The following NEURL1 variants were observed in gnomAD, a reference collection of about 807,000 sequenced individuals.
The protein encoded by NEURL1 is neuralized E3 ubiquitin protein ligase 1, also known as E3 ubiquitin-protein ligase NEURL1.
A neutral mutation model predicts 41.2 loss-of-function variants in NEURL1; 26 were observed. The ratio of observed to expected loss-of-function variants is 0.63; its 90% CI spans 0.46 to 0.87. The LOEUF (loss-of-function observed/expected upper bound fraction) is 0.87. NEURL1 is among the 40% of genes least tolerant of loss of function. The pLI, the probability that NEURL1 is intolerant of heterozygous loss-of-function variation, is 0.00. For synonymous variants in NEURL1, 400 were observed against 402.3 expected (o/e 0.99, Z 0.07); for missense variants, 761 against 871.1 (o/e 0.87, Z 1.59).
intron 1 of NEURL1, among the ~76,000 whole-genome samples, chr10:103,544,386 TG>T (rs1464058369): frequency 6.6e-6 from 1 of 151,994 alleles, no homozygotes; most frequent in Non-Finnish European, 1.5e-5. Context: ...CAGACCCTGG[TG>T]GAAGGGGGAA....
intron 1 of NEURL1, among the ~76,000 whole-genome samples, chr10:103,538,611 C>T (rs1023432426): frequency 2.0e-5 from 3 of 151,428 alleles, no homozygotes; most frequent in African/African-American, 7.3e-5. Context: ...CTGCTACCCA[C>T]TGATGAGCAT....
At chr10:103,578,124 A>T (rs2035704168) in intron 3 of NEURL1, among the ~76,000 whole-genome samples, 1 of 151,932 alleles carries the variant, frequency 6.6e-6, no homozygotes, top group Non-Finnish European at 1.5e-5. Flanking sequence ...TGACTTGGCC[A>T]CTCATTAGCT....
At chr10:103,547,308 T>C (rs1592212607) in intron 1 of NEURL1, among the ~76,000 whole-genome samples, 1 of 152,240 alleles carries the variant, frequency 6.6e-6, no homozygotes, top group African/African-American at 2.4e-5. Context: ...GGGATCCAGC[T>C]GCCAGTGGCC....
In NEURL1 at chr10:103,570,958, C is replaced by T; in HGVS notation, c.172C>T (p.Leu58Phe). The change falls in exon 2 of 6, where the codon CTC becomes TTC. Residue 58 changes from leucine (L) to phenylalanine (F), a missense_variant. By Grantham distance (22) the Leu-to-Phe change is conservative (BLOSUM62 0). Coordinates refer to ENST00000369780, the MANE Select transcript of NEURL1 (RefSeq NM_004210.5). ...HCPAVLPSGG[L>F]PATPLLFHPH... The stretch of plus-strand genomic sequence containing the variant: ...TCCGGCAGTGCTGCCCAGCGGGGGG[C>T]TCCCAGCCACGCCGCTGCTCTTCCA... The T allele has an allele frequency of 6.2e-7, 1 of 1,613,992 alleles. No individual in the cohort carries two copies. Among genetic ancestry groups the T allele is most frequent in the African/African-American group, 1.3e-5 (1 of 75,026 alleles).
intron 1 of NEURL1, among the ~76,000 whole-genome samples, chr10:103,554,204 C>G (rs1419318911): frequency 6.6e-6 from 1 of 152,230 alleles, no homozygotes; most frequent in African/African-American, 2.4e-5. Flanking sequence ...CCCTCTGTTC[C>G]CACCTTTCCC....
At chr10:103,500,870 G>A (rs1306363090) in intron 1 of NEURL1, among the ~76,000 whole-genome samples, 2 of 152,184 alleles carry the variant, frequency 1.3e-5, no homozygotes, top group Non-Finnish European at 2.9e-5. Context: ...GTGTTTAACA[G>A]GGTCCTCAAG....
At chr10:103,573,108 T>G (rs1197170931) in intron 3 of NEURL1, among the ~76,000 whole-genome samples, 1 of 152,154 alleles carries the variant, frequency 6.6e-6, no homozygotes, top group Non-Finnish European at 1.5e-5. Context: ...GTCAGAAGCC[T>G]GTTTGTTGAG....
chr10:103,569,836 C>T (rs1376960390), intron 1 of NEURL1, among the ~76,000 whole-genome samples: 1 of 152,204 alleles, frequency 6.6e-6, no homozygotes, highest in East Asian at 1.9e-4. Context: ...GGCTCATGCA[C>T]AGGGTGTCTG....
intron 1 of NEURL1, among the ~76,000 whole-genome samples, chr10:103,523,101 A>C (rs569462855): frequency 2.1e-4 from 32 of 152,196 alleles, no homozygotes; most frequent in Admixed American, 3.9e-4. Flanking sequence ...ATGTGTATCA[A>C]CTCAAACACT....
chr10:103,536,840 TTATTTTGCACCATCC>T (rs2034703914), intron 1 of NEURL1, among the ~76,000 whole-genome samples: 1 of 152,192 alleles, frequency 6.6e-6, no homozygotes, highest in African/African-American at 2.4e-5. Flanking sequence ...AGTACATGTG[TTATTTTGCACCATCC>T]ATCTCCAGAA....
rs760794966 is a variant in NEURL1, at chr10:103,585,101, C to T, written c.1215C>T (p.Ala405=). The T allele has an allele frequency of 1.3e-5, 20 of 1,589,724 alleles. No individual in the cohort carries two copies. Among genetic ancestry groups the T allele is most frequent in the African/African-American group, 4.0e-5 (3 of 74,736 alleles). ...SGDILGLVVN[A]DGELHLSHNG... The stretch of plus-strand genomic sequence containing the variant: ...ACATCCTGGGCCTGGTGGTCAACGC[C>T]GACGGCGAGCTGCACCTCAGCCACA... Residue 405 remains alanine (A), a synonymous_variant, in exon 4 of 6, where the codon GCC becomes GCT. Coordinates refer to ENST00000369780, the MANE Select transcript of NEURL1 (RefSeq NM_004210.5).
Position 103,571,044 on chromosome 10 carries a change from G to A in NEURL1, c.258G>A (p.Gln86=), listed in dbSNP as rs1379899142. The A allele has an allele frequency of 6.2e-7, 1 of 1,613,902 alleles. No individual in the cohort carries two copies. Among genetic ancestry groups the A allele is most frequent in the Non-Finnish European group, 8.5e-7 (1 of 1,180,018 alleles). ...TCAGCCACAAGGCTGTCAAGAGGCAGGCCAGCTTCTGCAACGCCATCACCT... is the reference window on the plus strand; with the variant it reads ...TCAGCCACAAGGCTGTCAAGAGGCAAGCCAGCTTCTGCAACGCCATCACCT... The part of the protein sequence containing the change: ...MDLSHKAVKR[Q]ASFCNAITFS... The change falls in exon 2 of 6, where the codon CAG becomes CAA. Residue 86 remains glutamine, a synonymous_variant. Transcript: ENST00000369780.
rs1268241547 is a variant in NEURL1, at chr10:103,591,292, A to C, written c.*920A>C. The C allele has an allele frequency of 6.5e-6, 1 of 152,710 alleles. No individual in the cohort carries two copies. The highest frequency in any genetic ancestry group is 1.5e-5 in the Non-Finnish European group (1 of 68,114). 9.5% of individuals were successfully genotyped at this position (152,710 alleles called of 1,614,324 possible). A position where few individuals can be genotyped will look rare whatever the true frequency, so the allele number is the denominator to read the frequency against. ...CCATATCTTGTGCTGTCCAGGGCCT[A>C]GGCTGATAGTCAGAGCCTGTGGCAC... On this transcript the variant is annotated 3_prime_UTR_variant, in exon 6 of 6. Transcript: ENST00000369780.
intron 1 of NEURL1, among the ~76,000 whole-genome samples, chr10:103,513,068 C>T (rs2034111328): frequency 6.6e-6 from 1 of 152,054 alleles, no homozygotes; most frequent in African/African-American, 2.4e-5. Flanking sequence ...CCATTGACAC[C>T]CCCCCAGGCC....
intron 1 of NEURL1, among the ~76,000 whole-genome samples, chr10:103,526,495 T>G (rs2034461408): frequency 6.6e-6 from 1 of 152,038 alleles, no homozygotes; most frequent in South Asian, 2.1e-4. Flanking sequence ...TCTCAATTTC[T>G]GCTAGGTTTT....
chr10:103,503,849 GGCGTGATCACAGCTCACTGCAGCCTCA>G (rs1273818847), intron 1 of NEURL1, among the ~76,000 whole-genome samples: 2 of 141,642 alleles, frequency 1.4e-5, no homozygotes, highest in Non-Finnish European at 3.0e-5. Context: ...GGAGTGCAGT[GGCGTGATCACAGCTCACTGCAGCCTCA>G]CCCCCCGGGC....
chr10:103,522,951 G>T (rs1306958844), intron 1 of NEURL1, among the ~76,000 whole-genome samples: 1 of 151,694 alleles, frequency 6.6e-6, no homozygotes, highest in Non-Finnish European at 1.5e-5. Flanking sequence ...TTTTATAGTT[G>T]TCTTGCCTGT....
At chr10:103,567,005 C>T (rs2035438743) in intron 1 of NEURL1, among the ~76,000 whole-genome samples, 1 of 148,276 alleles carries the variant, frequency 6.7e-6, no homozygotes, top group Non-Finnish European at 1.5e-5. Context: ...TTGTTTGAGA[C>T]AGAGTCTTGC....
At chr10:103,571,149 C>A in intron 2 of NEURL1, 36 bp downstream of exon 2, 1 of 1,596,546 alleles carries the variant, frequency 6.3e-7, no homozygotes. Flanking sequence ...CCGCCTCCTG[C>A]TTCCTGCTCC....
Sources: gnomAD v4.1 joint callset for allele counts (sites outside exome capture counted in the v4.1 genomes callset) on GRCh38, gnomAD v4.1.1 for gene constraint, MANE v1.5 for transcripts, NCBI Gene and HGNC (gene_info 2026-07-23, HGNC 2026-07-21) for gene names.